RGS6: variants seen among roughly 807,000 people sequenced by gnomAD.
RGS6 encodes the protein regulator of G-protein signaling 6.
A neutral mutation model predicts 78.5 loss-of-function variants in RGS6; 30 were observed. The observed-to-expected ratio is 0.38, with a 90% CI of 0.29 to 0.52. The LOEUF is 0.52. Among genes scored for constraint, RGS6 ranks in the 20% least tolerant of loss-of-function variants. The probability of loss-of-function intolerance (pLI) is 0.85; values close to 1 mark genes in which losing one functional copy is unlikely to be tolerated. For missense variants in RGS6, 495 were observed against 609.7 expected, an observed-to-expected ratio of 0.81 and a Z score of 1.98; for synonymous variants, 206 against 206.0, an observed-to-expected ratio of 1.00 and a Z score of 0.00.
intron 2 of RGS6, among the ~76,000 whole-genome samples, chr14:72,251,311 G>T (rs2055708655): frequency 6.6e-6 from 1 of 152,152 alleles, no homozygotes; most frequent in Non-Finnish European, 1.5e-5. Flanking sequence ...TTCTCCAGTG[G>T]TTAATCTTTC....
At chr14:72,534,670 G>A (rs918654270) in intron 15 of RGS6, among the ~76,000 whole-genome samples, 2 of 152,204 alleles carry the variant, frequency 1.3e-5, no homozygotes, top group Non-Finnish European at 2.9e-5. Flanking sequence ...GCTGGGTAAG[G>A]AGTGAGTCTT....
At chr14:71,926,269 T>G in the RGS6 span, among the ~76,000 whole-genome samples, 1 of 152,240 alleles carries the variant, frequency 6.6e-6, no homozygotes, top group Non-Finnish European at 1.5e-5. Context: ...CTTACAAATT[T>G]CATTTCTATG....
intron 3 of RGS6, among the ~76,000 whole-genome samples, chr14:72,432,646 C>T (rs2094699292): frequency 6.6e-6 from 1 of 152,196 alleles, no homozygotes; most frequent in South Asian, 2.1e-4. Flanking sequence ...TCCTGTCCAT[C>T]CCACCTCCTT....
intron 2 of RGS6, among the ~76,000 whole-genome samples, chr14:72,330,182 C>A (rs1211296870): frequency 6.6e-6 from 1 of 152,228 alleles, no homozygotes; most frequent in African/African-American, 2.4e-5. Flanking sequence ...CCTTCCGGTC[C>A]AGTTCTCCCC....
intron 17 of RGS6, among the ~76,000 whole-genome samples, chr14:72,560,960 G>A (rs963464036): frequency 6.6e-6 from 1 of 151,918 alleles, no homozygotes; most frequent in African/African-American, 2.4e-5. Context: ...CAGCTCCTGA[G>A]GGCAATTTCA....
chr14:72,437,905 A>C (rs993447683), intron 3 of RGS6, among the ~76,000 whole-genome samples: 2 of 152,226 alleles, frequency 1.3e-5, no homozygotes, highest in African/African-American at 4.8e-5. Flanking sequence ...TTAGTGATAG[A>C]CAAGTCAGAA....
chr14:71,973,083 A>C (rs186975422), intron 2 of RGS6, among the ~76,000 whole-genome samples: 21 of 152,270 alleles, frequency 1.4e-4, no homozygotes, highest in Non-Finnish European at 1.6e-4. Flanking sequence ...GCCATGCGTA[A>C]GTTGTTCCTA....
chr14:71,898,386 C>T, the RGS6 span, among the ~76,000 whole-genome samples: 1 of 152,146 alleles, frequency 6.6e-6, no homozygotes, highest in Non-Finnish European at 1.5e-5. Context: ...TTAGTGAAAT[C>T]TGGTAGAAAT....
intron 3 of RGS6, among the ~76,000 whole-genome samples, chr14:72,382,693 C>T (rs1052985209): frequency 3.3e-5 from 5 of 152,118 alleles, no homozygotes; most frequent in Non-Finnish European, 4.4e-5. Context: ...CCAGGCATGA[C>T]GTTTGGCTCT....
intron 2 of RGS6, among the ~76,000 whole-genome samples, chr14:72,053,014 CTTCT>C (rs1368443554): frequency 3.1e-5 from 2 of 65,388 alleles, no homozygotes; most frequent in Admixed American, 1.8e-4. Flanking sequence ...TCTTTCTTTC[CTTCT>C]TTCTTTCTTT....
At chr14:71,913,233 A>G in the RGS6 span, among the ~76,000 whole-genome samples, 15 of 152,108 alleles carry the variant, frequency 9.9e-5, no homozygotes, top group African/African-American at 3.1e-4. Flanking sequence ...TTTACCCACT[A>G]CATATGCATC....
At chr14:72,559,929 C>T (rs931347991) in intron 17 of RGS6, among the ~76,000 whole-genome samples, 26 of 152,168 alleles carry the variant, frequency 1.7e-4, no homozygotes, top group African/African-American at 5.1e-4. Flanking sequence ...ACACATAATC[C>T]TCCAGAAATA....
intron 2 of RGS6, among the ~76,000 whole-genome samples, chr14:71,982,657 C>T (rs987567929): frequency 6.6e-6 from 1 of 152,190 alleles, no homozygotes; most frequent in African/African-American, 2.4e-5. Flanking sequence ...AAGCTCTGTT[C>T]AGCTTCTTGA....
chr14:72,602,922 G>A, the RGS6 span, among the ~76,000 whole-genome samples: 2 of 151,860 alleles, frequency 1.3e-5, no homozygotes, highest in Admixed American at 1.3e-4. Flanking sequence ...TCAGAACAAG[G>A]ATCACTGAGG....
chr14:71,939,173 G>T (rs2079813), intron 1 of RGS6, among the ~76,000 whole-genome samples: 1 of 152,044 alleles, frequency 6.6e-6, no homozygotes, highest in Non-Finnish European at 1.5e-5. Flanking sequence ...ATCCAAATAG[G>T]CCCACTAAGT....
rs116653502 is a variant in RGS6, at chr14:72,178,984, C to T, written c.85-173111C>T. On this transcript the variant is annotated intron_variant, in intron 2 of 17. Transcript: ENST00000553525. The stretch of plus-strand genomic sequence containing the variant: ...ACGGTTTCTAGACATTTATGCACGA[C>T]GTTTTGTCATGTGGGATCCAGCACA... 4.4e-3 allele frequency among the ~76,000 whole-genome samples: 673 copies of T among 152,254 alleles called. 4 individuals carry two copies. Among genetic ancestry groups the T allele is most frequent in the African/African-American group, 0.015 (635 of 41,544 alleles).
intron 2 of RGS6, among the ~76,000 whole-genome samples, chr14:72,003,372 C>T (rs566357971): frequency 2.0e-5 from 3 of 152,314 alleles, no homozygotes; most frequent in African/African-American, 7.2e-5. Context: ...TTTAATCATT[C>T]TTAATGTACG....
intron 3 of RGS6, among the ~76,000 whole-genome samples, chr14:72,443,788 C>T (rs926737191): frequency 6.6e-6 from 1 of 152,186 alleles, no homozygotes; most frequent in South Asian, 2.1e-4. Flanking sequence ...CTACTGGGCA[C>T]CTGACATTAG....
chr14:71,893,856 A>G, the RGS6 span, among the ~76,000 whole-genome samples: 2 of 152,208 alleles, frequency 1.3e-5, no homozygotes, highest in Admixed American at 1.3e-4. Flanking sequence ...AATTGGCTTA[A>G]GGCACACAGT....
Sources: allele counts gnomAD v4.1 joint callset (sites outside exome capture counted in the v4.1 genomes callset), GRCh38; gene constraint gnomAD v4.1.1; transcripts MANE v1.5; gene names NCBI Gene and HGNC (gene_info 2026-07-23, HGNC 2026-07-21).